Variants in ZNRF4 observed in about 807,000 individuals in gnomAD.
The protein encoded by ZNRF4 is zinc and ring finger 4, also known as E3 ubiquitin-protein ligase ZNRF4.
For missense variants in ZNRF4, 569 were observed against 609.4 expected (o/e 0.93, Z 0.70); for synonymous variants, 291 against 285.9 (o/e 1.02, Z -0.18).
Position 5,456,837 on chromosome 19 carries a change from A to G in ZNRF4, c.*56A>G. The G allele has an allele frequency of 6.9e-7, 1 of 1,457,914 alleles. No homozygotes were observed. 90.3% of individuals were successfully genotyped at this position (1,457,914 alleles called of 1,614,324 possible). A position where few individuals can be genotyped will look rare whatever the true frequency, so the allele number is the denominator to read the frequency against. On this transcript the variant is annotated 3_prime_UTR_variant, in exon 1 of 1. Coordinates refer to ENST00000222033, the MANE Select transcript of ZNRF4 (RefSeq NM_181710.4). ...GGAATGTTTCTGGTCTGAAAAGAAT[A>G]AAGTGGGTTTGAAAGCGGATTCTCA...
In ZNRF4 at chr19:5,456,836, T is replaced by C; in HGVS notation, c.*55T>C. 1 of 1,457,552 alleles carries C rather than the reference T, an allele frequency of 6.9e-7. No individual in the cohort carries two copies. The allele number at this position is 1,457,552 out of a possible 1,614,324, so 90.3% of individuals were successfully genotyped here. A position where few individuals can be genotyped will look rare whatever the true frequency, so the allele number is the denominator to read the frequency against. ...AGGAATGTTTCTGGTCTGAAAAGAA[T>C]AAAGTGGGTTTGAAAGCGGATTCTC... On this transcript the variant is annotated 3_prime_UTR_variant, in exon 1 of 1. Coordinates refer to ENST00000222033, the MANE Select transcript of ZNRF4 (RefSeq NM_181710.4).
In ZNRF4 at chr19:5,456,121, C is replaced by T; in HGVS notation, c.630C>T (p.Pro210=). The T allele has an allele frequency of 1.2e-6, 2 of 1,607,278 alleles. No individual in the cohort carries two copies. The highest frequency in any genetic ancestry group is 1.7e-6 in the Non-Finnish European group (2 of 1,179,880). ...ACTTGAGGGGCCAGATCGCCATCCC[C>T]TCAGTGTTCGTGAGCGAGGCCGCCT... ...YEDLRGQIAI[P]SVFVSEAASQ... The change falls in exon 1 of 1, where the codon CCC becomes CCT. Residue 210 remains proline, a synonymous_variant. Coordinates refer to ENST00000222033, the MANE Select transcript of ZNRF4 (RefSeq NM_181710.4).
chr19:5,455,767 C>A lies in ZNRF4; in HGVS notation c.276C>A (p.Leu92=). ...AVKALLVLSL[L]QVPAQAVVRA... is the part of the protein sequence containing the mutation. ...AAGCCTTGCTGGTCTTGTCGCTGCT[C>A]CAGGTGCCCGCGCAGGCAGTGGTAC... Residue 92 remains leucine (L), a synonymous_variant, in exon 1 of 1, where the codon CTC becomes CTA. Transcript: ENST00000222033. The A allele has an allele frequency of 6.2e-7, 1 of 1,604,592 alleles. No individual in the cohort carries two copies. The highest frequency in any genetic ancestry group is 8.5e-7 in the Non-Finnish European group (1 of 1,179,852).
In ZNRF4 at chr19:5,455,447, AC is replaced by A; in HGVS notation, c.-43del. 1 of 1,540,186 alleles carries A rather than the reference AC, an allele frequency of 6.5e-7. No homozygotes were observed. Among genetic ancestry groups the A allele is most frequent in the Non-Finnish European group, 8.7e-7 (1 of 1,144,594 alleles). Reference sequence around the variant, plus strand: ...CTCCATGTCATCTGCCAGAAAGGCCACCTGCGCCAGCACCTCCTGAGACCGG... The same window carrying A: ...CTCCATGTCATCTGCCAGAAAGGCCACTGCGCCAGCACCTCCTGAGACCGG... On this transcript the variant is annotated 5_prime_UTR_variant, in exon 1 of 1. An upstream open reading frame in the 5' UTR loses its in-frame stop. Coordinates refer to ENST00000222033, the MANE Select transcript of ZNRF4 (RefSeq NM_181710.4).
In ZNRF4 at chr19:5,456,344, C is replaced by T. The variant is rs748575510; in HGVS notation, c.853C>T (p.His285Tyr). 1.2e-6 allele frequency: 2 copies of T among 1,613,682 alleles called. No individual in the cohort carries two copies. Among genetic ancestry groups the T allele is most frequent in the Non-Finnish European group, 1.7e-6 (2 of 1,180,030 alleles). The change falls in exon 1 of 1, where the codon CAC becomes TAC. Residue 285 changes from histidine (H) to tyrosine (Y), a missense_variant. Transcript: ENST00000222033. ...GCTCTGGGCCCAGGCCTGCTGCAGC[C>T]ACAGACGGCCGGTGAAGACGTCTAC... ...LWLWAQACCS[H>Y]RRPVKTSTCQ...
chr19:5,455,719 G>A lies in ZNRF4; in HGVS notation c.228G>A (p.Pro76=), dbSNP rs764718910. The change falls in exon 1 of 1, where the codon CCG becomes CCA. Residue 76 remains proline (P), a synonymous_variant. Transcript: ENST00000222033. ...AKRVTMGWPR[P]GRALVAVKAL... is the part of the protein sequence containing the mutation. Reference sequence around the variant, plus strand: ...GGGTGACCATGGGGTGGCCACGGCCGGGCCGAGCCCTCGTGGCAGTCAAAG... The same window carrying A: ...GGGTGACCATGGGGTGGCCACGGCCAGGCCGAGCCCTCGTGGCAGTCAAAG... 29 of 1,607,036 alleles carry A rather than the reference G, an allele frequency of 1.8e-5. No individual in the cohort carries two copies. The East Asian group carries it at 4.7e-4, about 26-fold the overall frequency.
rs773232196 is a variant in ZNRF4, at chr19:5,456,498, T to C, written c.1007T>C (p.Ile336Thr). 3 of 1,613,970 alleles carry C rather than the reference T, an allele frequency of 1.9e-6. No homozygotes were observed. Among genetic ancestry groups the C allele is most frequent in the Non-Finnish European group, 2.5e-6 (3 of 1,180,052 alleles). ...PCSHTYHCKC[I>T]DPWFSQAPRR... ...TCCCACACCTACCACTGCAAATGCA[T>C]TGACCCCTGGTTCTCCCAAGCCCCC... The change falls in exon 1 of 1, where the codon ATT becomes ACT. Residue 336 changes from isoleucine (I) to threonine (T), a missense_variant. Transcript: ENST00000222033.
At position 5,456,632 on chromosome 19, in the gene ZNRF4, C is replaced by T. The variant is rs2051620358; in HGVS notation, c.1141C>T (p.Pro381Ser). ...DEDPSLPGHRPPIWAIQVQLR... is the reference protein window; with the variant it reads ...DEDPSLPGHRSPIWAIQVQLR... ...GGACCCCTCCCTACCGGGCCACCGG[C>T]CCCCCATCTGGGCCATTCAAGTCCA... The change falls in exon 1 of 1, where the codon CCC (proline) becomes TCC (serine). Residue 381 changes from proline (P) to serine (S), a missense_variant. Physicochemically the swap from Pro to Ser is moderately conservative, Grantham distance 74. Coordinates refer to ENST00000222033, the MANE Select transcript of ZNRF4 (RefSeq NM_181710.4). 1 of 1,613,054 alleles carries T rather than the reference C, an allele frequency of 6.2e-7. No homozygotes were observed. Among genetic ancestry groups the T allele is most frequent in the African/African-American group, 1.3e-5 (1 of 74,794 alleles).
At position 5,456,364 on chromosome 19, in the gene ZNRF4, G is replaced by A. The variant is rs537162113; in HGVS notation, c.873G>A (p.Thr291=). 27 of 1,613,440 alleles carry A rather than the reference G, an allele frequency of 1.7e-5. No homozygotes were observed. The East Asian group carries it at 3.8e-4, about 23-fold the overall frequency. The change falls in exon 1 of 1, where the codon ACG becomes ACA. Residue 291 remains threonine, a synonymous_variant. Transcript: ENST00000222033. ...ACCSHRRPVK[T]STCQKAQVRT... is the part of the protein sequence containing the mutation. ...GCAGCCACAGACGGCCGGTGAAGAC[G>A]TCTACCTGCCAGAAGGCCCAGGTCC...
chr19:5,456,304 C>T lies in ZNRF4; in HGVS notation c.813C>T (p.Val271=), dbSNP rs764631093. 1.9e-6 allele frequency: 3 copies of T among 1,613,730 alleles called. No individual in the cohort carries two copies. Among genetic ancestry groups the T allele is most frequent in the Non-Finnish European group, 2.5e-6 (3 of 1,180,046 alleles). The stretch of plus-strand genomic sequence containing the variant: ...CCCTGGTCGTATCAGCCTTCTTTGT[C>T]CTGAACCACCTGTGGCTCTGGGCCC... The part of the protein sequence containing the change: ...TLALVVSAFF[V]LNHLWLWAQA... The change falls in exon 1 of 1, where the codon GTC becomes GTT. Residue 271 remains valine, a synonymous_variant. Transcript: ENST00000222033.
Position 5,455,641 on chromosome 19 carries a change from G to A in ZNRF4, c.150G>A (p.Lys50=), listed in dbSNP as rs762002367. The stretch of plus-strand genomic sequence containing the variant: ...CTGGGAGACCCCGGAGATGCCCAAA[G>A]GCCTCATGCCTGCCGCCTCCAGTGG... ...RPPGRPRRCP[K]ASCLPPPVGP... is the part of the protein sequence containing the mutation. Residue 50 remains lysine (K), a synonymous_variant, in exon 1 of 1, where the codon AAG becomes AAA. Coordinates refer to ENST00000222033, the MANE Select transcript of ZNRF4 (RefSeq NM_181710.4). 6.2e-6 allele frequency: 10 copies of A among 1,610,734 alleles called. No homozygotes were observed. The highest frequency in any genetic ancestry group is 3.3e-5 in the South Asian group (3 of 91,082).
chr19:5,456,005 G>T lies in ZNRF4; in HGVS notation c.514G>T (p.Val172Leu), dbSNP rs1023265477. The change falls in exon 1 of 1, where the codon GTG becomes TTG. Residue 172 changes from valine (V) to leucine (L), a missense_variant. Coordinates refer to ENST00000222033, the MANE Select transcript of ZNRF4 (RefSeq NM_181710.4). ...RRYDCTFDLKVLNAQRAGFEA... is the reference protein window; with the variant it reads ...RRYDCTFDLKLLNAQRAGFEA... ...CTACGACTGCACCTTCGACCTCAAG[G>T]TGCTGAACGCCCAGCGCGCCGGCTT... 3.1e-6 allele frequency: 5 copies of T among 1,600,736 alleles called. No individual in the cohort carries two copies. The African/African-American group carries it at 6.7e-5, about 21-fold the overall frequency.
At position 5,456,759 on chromosome 19, in the gene ZNRF4, C is replaced by T; in HGVS notation, c.1268C>T (p.Pro423Leu). The T allele has an allele frequency of 6.4e-7, 1 of 1,566,440 alleles. No individual in the cohort carries two copies. The highest frequency in any genetic ancestry group is 8.7e-7 in the Non-Finnish European group (1 of 1,151,910). The change falls in exon 1 of 1, where the codon CCT becomes CTT. Residue 423 changes from proline to leucine, a missense_variant. Physicochemically the swap from Pro to Leu is moderately conservative, Grantham distance 98. Coordinates refer to ENST00000222033, the MANE Select transcript of ZNRF4 (RefSeq NM_181710.4). ...GAGTATACCACTGTCTCCTCAGCCC[C>T]TCCTGAGGCCCCTGGTCAGTAAAGA... Reference protein sequence around the residue: ...EAEYTTVSSAPPEAPGQ With the variant: ...EAEYTTVSSALPEAPGQ
chr19:5,456,715 C>A lies in ZNRF4; in HGVS notation c.1224C>A (p.Ser408Arg). Reference sequence around the variant, plus strand: ...GCGCCAGTCCCCACTGCCACTGCAGCACCACGTCCCTGGAGGCAGAGTATA... The same window carrying A: ...GCGCCAGTCCCCACTGCCACTGCAGAACCACGTCCCTGGAGGCAGAGTATA... ...LGRASPHCHC[S>R]TTSLEAEYTT... The change falls in exon 1 of 1, where the codon AGC becomes AGA. Residue 408 changes from serine (S) to arginine (R), a missense_variant. Transcript: ENST00000222033. The A allele has an allele frequency of 6.2e-7, 1 of 1,609,422 alleles. No individual in the cohort carries two copies. Among genetic ancestry groups the A allele is most frequent in the Admixed American group, 1.7e-5 (1 of 59,764 alleles).
In ZNRF4 at chr19:5,456,620, C is replaced by G; in HGVS notation, c.1129C>G (p.Pro377Ala). ...YSFRDEDPSL[P>A]GHRPPIWAIQ... ...CTTCAGGGACGAGGACCCCTCCCTA[C>G]CGGGCCACCGGCCCCCCATCTGGGC... Residue 377 changes from proline to alanine, a missense_variant, in exon 1 of 1, where the codon CCG (proline) becomes GCG (alanine). Coordinates refer to ENST00000222033, the MANE Select transcript of ZNRF4 (RefSeq NM_181710.4). 1 of 1,613,314 alleles carries G rather than the reference C, an allele frequency of 6.2e-7. No homozygotes were observed. The highest frequency in any genetic ancestry group is 8.5e-7 in the Non-Finnish European group (1 of 1,179,372).
At position 5,455,985 on chromosome 19, in the gene ZNRF4, A is replaced by T; in HGVS notation, c.494A>T (p.Asp165Val). The T allele has an allele frequency of 6.2e-7, 1 of 1,600,470 alleles. No individual in the cohort carries two copies. Among genetic ancestry groups the T allele is most frequent in the Non-Finnish European group, 8.5e-7 (1 of 1,179,706 alleles). The change falls in exon 1 of 1, where the codon GAC (aspartate) becomes GTC (valine). Residue 165 changes from aspartate (D) to valine (V), a missense_variant. By Grantham distance (152) the Asp-to-Val change is radical. Coordinates refer to ENST00000222033, the MANE Select transcript of ZNRF4 (RefSeq NM_181710.4). ...LGAIVLIRRY[D>V]CTFDLKVLNA... The stretch of plus-strand genomic sequence containing the variant: ...GCCATCGTGCTGATCCGCCGCTACG[A>T]CTGCACCTTCGACCTCAAGGTGCTG...
chr19:5,456,124 A>G lies in ZNRF4; in HGVS notation c.633A>G (p.Ser211=), dbSNP rs771251272. ...EDLRGQIAIP[S]VFVSEAASQD... ...TGAGGGGCCAGATCGCCATCCCCTC[A>G]GTGTTCGTGAGCGAGGCCGCCTCGC... Residue 211 remains serine (S), a synonymous_variant, in exon 1 of 1, where the codon TCA becomes TCG. Transcript: ENST00000222033. The G allele has an allele frequency of 6.2e-7, 1 of 1,607,074 alleles. No homozygotes were observed. The highest frequency in any genetic ancestry group is 8.5e-7 in the Non-Finnish European group (1 of 1,179,852).
chr19:5,456,676 G>A lies in ZNRF4; in HGVS notation c.1185G>A (p.Leu395=). 1.9e-6 allele frequency: 3 copies of A among 1,613,446 alleles called. No homozygotes were observed. The highest frequency in any genetic ancestry group is 2.5e-6 in the Non-Finnish European group (3 of 1,179,628). The change falls in exon 1 of 1, where the codon CTG becomes CTA. Residue 395 remains leucine, a synonymous_variant. Transcript: ENST00000222033. The stretch of plus-strand genomic sequence containing the variant: ...AAGTCCAGCTACGCTCCCGGAGGCT[G>A]GAGCTGCTGGGCCGCGCCAGTCCCC... ...AIQVQLRSRR[L]ELLGRASPHC... is the part of the protein sequence containing the mutation.
rs2051622202 is a variant in ZNRF4, at chr19:5,456,835, A to G, written c.*54A>G. 6.8e-7 allele frequency: 1 copy of G among 1,461,544 alleles called. No homozygotes were observed. The highest frequency in any genetic ancestry group is 1.4e-5 in the South Asian group (1 of 69,348). 90.5% of individuals were successfully genotyped at this position (1,461,544 alleles called of 1,614,324 possible). On this transcript the variant is annotated 3_prime_UTR_variant, in exon 1 of 1. Transcript: ENST00000222033. The stretch of plus-strand genomic sequence containing the variant: ...GAGGAATGTTTCTGGTCTGAAAAGA[A>G]TAAAGTGGGTTTGAAAGCGGATTCT...
Sources: allele counts gnomAD v4.1 joint callset, GRCh38; gene constraint gnomAD v4.1.1; transcripts MANE v1.5; gene names NCBI Gene and HGNC (gene_info 2026-07-23, HGNC 2026-07-21).